The following ARL8B variants were observed in gnomAD, a reference collection of about 807,000 sequenced individuals.
ARL8B encodes ARF like GTPase 8B.
ARL8B carries 9 observed loss-of-function variants against 30.6 expected under a neutral mutation model. The ratio of observed to expected loss-of-function variants is 0.29; its 90% CI spans 0.18 to 0.51. The LOEUF is 0.51. ARL8B is among the 20% of genes least tolerant of loss of function. The pLI, the probability that ARL8B is intolerant of heterozygous loss-of-function variation, is 0.97. For synonymous variants in ARL8B, 74 were observed against 76.0 expected (o/e 0.97, Z 0.14); for missense variants, 130 against 227.2 (o/e 0.57, Z 2.75).
At chr3:5,157,983 T>A (rs1478358361) in intron 1 of ARL8B, 4 of 152,074 alleles carry the variant, frequency 2.6e-5, no homozygotes, top group Non-Finnish European at 4.4e-5. Flanking sequence ...TTTTTTTTTT[T>A]AATGTATTTT....
At chr3:5,126,009 A>AT (rs1182227005) in intron 1 of ARL8B, among the ~76,000 whole-genome samples, 21 of 152,128 alleles carry the variant, frequency 1.4e-4, no homozygotes, top group Non-Finnish European at 4.4e-5. Flanking sequence ...TACAATTATG[A>AT]TTTGTCAATT....
intron 6 of ARL8B, among the ~76,000 whole-genome samples, chr3:5,175,184 C>T (rs1027217700): frequency 1.3e-5 from 2 of 152,118 alleles, no homozygotes; most frequent in Non-Finnish European, 2.9e-5. Flanking sequence ...GCCCTCATTT[C>T]GTTCAGCGTT....
chr3:5,122,960 A>G (rs1455459398), intron 1 of ARL8B, among the ~76,000 whole-genome samples: 2 of 152,178 alleles, frequency 1.3e-5, no homozygotes, highest in East Asian at 3.9e-4. Context: ...CCAGTCTGTC[A>G]CTTTCCCAAA....
chr3:5,172,758 G>T lies in ARL8B; in HGVS notation c.372+18G>T, dbSNP rs751283895. The T allele has an allele frequency of 3.6e-6, 5 of 1,373,162 alleles. No individual in the cohort carries two copies. The highest frequency in any genetic ancestry group is 5.2e-6 in the Non-Finnish European group (5 of 970,442). 85.1% of individuals were successfully genotyped at this position (1,373,162 alleles called of 1,614,324 possible). Reference sequence around the variant, plus strand: ...GAATTCCAGTAAGTATGGAATACTTGTTATTTTACATTGTAATTATATAAT... The same window carrying T: ...GAATTCCAGTAAGTATGGAATACTTTTTATTTTACATTGTAATTATATAAT... On this transcript the variant is annotated intron_variant, in intron 4 of 6. Coordinates refer to ENST00000256496, the MANE Select transcript of ARL8B (RefSeq NM_018184.3).
intron 1 of ARL8B, among the ~76,000 whole-genome samples, chr3:5,156,178 TAGGCG>T (rs2054531631): frequency 6.6e-6 from 1 of 152,030 alleles, no homozygotes; most frequent in African/African-American, 2.4e-5. Flanking sequence ...GCTGGGATTA[TAGGCG>T]TCAGCCCCCG....
intron 1 of ARL8B, among the ~76,000 whole-genome samples, chr3:5,127,535 A>G (rs1250215624): frequency 6.6e-6 from 1 of 152,174 alleles, no homozygotes; most frequent in Admixed American, 6.6e-5. Context: ...ATCTATGAAC[A>G]TGAATTAGGA....
intron 1 of ARL8B, among the ~76,000 whole-genome samples, chr3:5,140,373 C>G (rs1232690348): frequency 6.6e-6 from 1 of 152,146 alleles, no homozygotes; most frequent in East Asian, 1.9e-4. Context: ...TTGCATGGCT[C>G]TCACTTCTCT....
At chr3:5,175,228 A>G (rs1044215333) in intron 6 of ARL8B, among the ~76,000 whole-genome samples, 1 of 152,224 alleles carries the variant, frequency 6.6e-6, no homozygotes, top group African/African-American at 2.4e-5. Context: ...GTTTTGTTAT[A>G]CACCATTTCA....
intron 1 of ARL8B, among the ~76,000 whole-genome samples, chr3:5,169,312 TGTGTGTGTGTG>T (rs2054650444): frequency 9.4e-6 from 1 of 106,324 alleles, no homozygotes; most frequent in African/African-American, 3.8e-5. Context: ...TGTTTGTGTG[TGTGTGTGTGTG>T]TGTGTGTGTG....
At chr3:5,152,926 A>G (rs2106563269) in intron 1 of ARL8B, among the ~76,000 whole-genome samples, 1 of 152,354 alleles carries the variant, frequency 6.6e-6, no homozygotes, top group South Asian at 2.1e-4. Context: ...GTTTAAACAT[A>G]GTATTTAGTT....
rs1289416824 is a variant in ARL8B, at chr3:5,180,022, C to G, written c.*1309C>G. ...TTTGTAAATTATTATTCATATAGAC[C>G]ACTGTAGTAGATAAAACTCTATGGT... On this transcript the variant is annotated 3_prime_UTR_variant, in exon 7 of 7. Coordinates refer to ENST00000256496, the MANE Select transcript of ARL8B (RefSeq NM_018184.3). The G allele has an allele frequency of 6.6e-6, 1 of 152,562 alleles. No individual in the cohort carries two copies. Among genetic ancestry groups the G allele is most frequent in the Non-Finnish European group, 1.5e-5 (1 of 68,024 alleles). 9.5% of individuals were successfully genotyped at this position (152,562 alleles called of 1,614,324 possible).
chr3:5,156,792 T>G (rs1460128480), intron 1 of ARL8B: 1 of 152,304 alleles, frequency 6.6e-6, no homozygotes, highest in African/African-American at 2.4e-5. Context: ...TTTCACCATG[T>G]TGGCCAGGCT....
At chr3:5,142,412 A>G (rs2054382232) in intron 1 of ARL8B, among the ~76,000 whole-genome samples, 1 of 152,062 alleles carries the variant, frequency 6.6e-6, no homozygotes, top group African/African-American at 2.4e-5. Context: ...GACTCTTTAC[A>G]AGTCTTGTTT....
At position 5,180,380 on chromosome 3, in the gene ARL8B, A is replaced by G. The variant is rs1311312994; in HGVS notation, c.*1667A>G. The G allele has an allele frequency of 6.6e-6, 1 of 152,280 alleles. No individual in the cohort carries two copies. Among genetic ancestry groups the G allele is most frequent in the Non-Finnish European group, 1.5e-5 (1 of 68,040 alleles). 9.4% of individuals were successfully genotyped at this position (152,280 alleles called of 1,614,324 possible). On this transcript the variant is annotated 3_prime_UTR_variant, in exon 7 of 7. Coordinates refer to ENST00000256496, the MANE Select transcript of ARL8B (RefSeq NM_018184.3). ...TGGTTCTGTAAATGAAGGGATATTT[A>G]AACTTGCTACTGTTGTTCAACACCA... is the stretch of plus-strand genomic sequence containing the variant.
At chr3:5,178,390 A>G (rs1350937017) in intron 6 of ARL8B, among the ~76,000 whole-genome samples, 1 of 129,228 alleles carries the variant, frequency 7.7e-6, no homozygotes, top group Admixed American at 9.3e-5. Context: ...GGCAATTTGC[A>G]TGCAACACCT....
Position 5,129,246 on chromosome 3 carries a change from C to G in ARL8B, c.123+6658C>G, listed in dbSNP as rs572569027. On this transcript the variant is annotated intron_variant, in intron 1 of 6. Coordinates refer to ENST00000256496, the MANE Select transcript of ARL8B (RefSeq NM_018184.3). The stretch of plus-strand genomic sequence containing the variant: ...CTGGAGTGCAGTGGTGTGATCTTGG[C>G]ACACTGCAACCTCCACCTCTCGGGT... Among the ~76,000 whole-genome samples the G allele has an allele frequency of 2.0e-5, 3 of 152,182 alleles. No individual in the cohort carries two copies. In the South Asian group the frequency reaches 6.2e-4, roughly 32 times the overall value.
In ARL8B at chr3:5,172,231, G is replaced by T. The variant is rs752296356; in HGVS notation, c.278+8G>T. 15 of 1,589,282 alleles carry T rather than the reference G, an allele frequency of 9.4e-6. No individual in the cohort carries two copies. The highest frequency in any genetic ancestry group is 1.1e-5 in the South Asian group (1 of 87,270). On this transcript the variant is annotated splice_region_variant and intron_variant, in intron 3 of 6. Coordinates refer to ENST00000256496, the MANE Select transcript of ARL8B (RefSeq NM_018184.3). Reference sequence around the variant, plus strand: ...AGGAGTCAATGCTATTGTGTAAGTGGTTTTTTTTTGTTTGTTTGCTTTTAA... The same window carrying T: ...AGGAGTCAATGCTATTGTGTAAGTGTTTTTTTTTTGTTTGTTTGCTTTTAA...
At chr3:5,163,818 C>T (rs1213867557) in intron 1 of ARL8B, among the ~76,000 whole-genome samples, 3 of 152,044 alleles carry the variant, frequency 2.0e-5, no homozygotes, top group African/African-American at 7.2e-5. Flanking sequence ...TGCAGTGAGC[C>T]GAGATCGTGC....
intron 6 of ARL8B, among the ~76,000 whole-genome samples, chr3:5,174,948 G>A (rs2054715731): frequency 1.3e-5 from 2 of 151,618 alleles, no homozygotes; most frequent in South Asian, 2.1e-4. Flanking sequence ...GACTACAGAC[G>A]TGCACCACCA....
Sources: gnomAD v4.1 joint callset for allele counts (sites outside exome capture counted in the v4.1 genomes callset) on GRCh38, gnomAD v4.1.1 for gene constraint, MANE v1.5 for transcripts, NCBI Gene and HGNC (gene_info 2026-07-23, HGNC 2026-07-21) for gene names.